The following GPC5 variants were observed in gnomAD, a reference collection of about 807,000 sequenced individuals.
The protein encoded by GPC5 is glypican 5.
GPC5 carries 47 observed loss-of-function variants against 53.9 expected under a neutral mutation model. The ratio of observed to expected loss-of-function variants is 0.87; its 90% CI spans 0.69 to 1.11. The LOEUF is 1.11. Ranked by LOEUF, GPC5 falls within the 50% of genes most tolerant of loss-of-function variation. The pLI is 0.00. For missense variants in GPC5, 748 were observed against 713.1 expected, an observed-to-expected ratio of 1.05 and a Z score of -0.56; for synonymous variants, 286 against 263.3, an observed-to-expected ratio of 1.09 and a Z score of -0.84.
chr13:92,661,773 T>C (rs1338603756), intron 7 of GPC5, among the ~76,000 whole-genome samples: 3 of 152,210 alleles, frequency 2.0e-5, no homozygotes, highest in East Asian at 1.9e-4. Context: ...GTCAAGTTGT[T>C]TTTCATGGAA....
intron 7 of GPC5, among the ~76,000 whole-genome samples, chr13:92,643,282 G>A (rs962989715): frequency 1.4e-4 from 22 of 152,078 alleles, no homozygotes; most frequent in Non-Finnish European, 2.8e-4. Context: ...TGGTGTTTTG[G>A]ACATGAAGTC....
chr13:91,699,245 C>G (rs2035946070), intron 3 of GPC5, among the ~76,000 whole-genome samples: 1 of 152,084 alleles, frequency 6.6e-6, no homozygotes. Flanking sequence ...GAAAAGTTGA[C>G]AAGATATTGT....
intron 5 of GPC5, among the ~76,000 whole-genome samples, chr13:91,890,143 G>A (rs187993452): frequency 3.3e-5 from 5 of 152,248 alleles, no homozygotes; most frequent in East Asian, 3.9e-4. Context: ...GCCATTCCAA[G>A]GTTGGACAGG....
At chr13:92,074,610 G>T (rs1483769260) in intron 6 of GPC5, among the ~76,000 whole-genome samples, 1 of 152,126 alleles carries the variant, frequency 6.6e-6, no homozygotes, top group Non-Finnish European at 1.5e-5. Context: ...TAATTCATTG[G>T]TTTATTTTAA....
chr13:92,684,995 G>C (rs1887218497), intron 7 of GPC5, among the ~76,000 whole-genome samples: 1 of 152,150 alleles, frequency 6.6e-6, no homozygotes, highest in South Asian at 2.1e-4. Context: ...ATATGATGTT[G>C]AGCATCTTTT....
chr13:92,513,352 G>C (rs955467454), intron 7 of GPC5, among the ~76,000 whole-genome samples: 7 of 152,162 alleles, frequency 4.6e-5, no homozygotes, highest in African/African-American at 1.4e-4. Context: ...TTATAATAAT[G>C]AACATTGAAA....
rs1191001845 is a variant in GPC5 at position 91,583,127 on chromosome 13, T to C, written c.326-110060T>C. Among the ~76,000 whole-genome samples, 4 of 152,174 alleles carry C rather than the reference T, an allele frequency of 2.6e-5. No homozygotes were observed. In the East Asian group the frequency reaches 7.7e-4, roughly 29 times the overall value. On this transcript the variant is annotated intron_variant, in intron 2 of 7. Coordinates refer to ENST00000377067, the MANE Select transcript of GPC5 (RefSeq NM_004466.6). ...GCAAACATTATACTTAATAATAAAA[T>C]GCTGACAGCCTTCTCTCTTAGAGTG... is the stretch of plus-strand genomic sequence containing the variant.
chr13:91,641,415 G>C (rs150772216), intron 2 of GPC5, among the ~76,000 whole-genome samples: 10 of 152,140 alleles, frequency 6.6e-5, no homozygotes, highest in African/African-American at 2.2e-4. Context: ...TAAACAACAA[G>C]AACACATGGA....
At chr13:91,702,644 T>G (rs2139862245) in intron 3 of GPC5, among the ~76,000 whole-genome samples, 1 of 152,172 alleles carries the variant, frequency 6.6e-6, no homozygotes, top group Non-Finnish European at 1.5e-5. Flanking sequence ...TCCATACAAA[T>G]TTTAGGATTT....
chr13:92,585,241 G>A (rs2139059031), intron 7 of GPC5, among the ~76,000 whole-genome samples: 1 of 152,266 alleles, frequency 6.6e-6, no homozygotes, highest in Middle Eastern at 3.4e-3. Context: ...ACCCAAGATG[G>A]AGGCTATACC....
chr13:91,949,997 G>T (rs773090811), intron 6 of GPC5, among the ~76,000 whole-genome samples: 1 of 152,104 alleles, frequency 6.6e-6, no homozygotes, highest in Non-Finnish European at 1.5e-5. Flanking sequence ...TGTTTAGACC[G>T]CATGCTGAGG....
chr13:91,917,507 C>G (rs2039671170), intron 6 of GPC5, among the ~76,000 whole-genome samples: 1 of 152,218 alleles, frequency 6.6e-6, no homozygotes, highest in Admixed American at 6.5e-5. Context: ...CAATGGCTGT[C>G]TTCTCACAGC....
chr13:92,204,116 G>A (rs927540816), intron 7 of GPC5, among the ~76,000 whole-genome samples: 2 of 152,154 alleles, frequency 1.3e-5, no homozygotes, highest in Non-Finnish European at 2.9e-5. Flanking sequence ...AAGAATGGGA[G>A]AATTTGTTTC....
At chr13:91,801,253 T>TTGTGTGTG (rs71113762) in intron 5 of GPC5, among the ~76,000 whole-genome samples, 8,611 of 146,248 alleles carry the variant, frequency 0.059, 336 homozygotes, top group East Asian at 0.16. Context: ...CATCCATACT[T>TTGTGTGTG]TGTGTGTGTG....
At chr13:91,481,147 GT>G (rs1311103506) in intron 2 of GPC5, among the ~76,000 whole-genome samples, 3 of 152,102 alleles carry the variant, frequency 2.0e-5, no homozygotes, top group Non-Finnish European at 4.4e-5. Context: ...GACTACATTT[GT>G]TTTTTCTGCA....
At chr13:92,757,963 C>T (rs904039714) in intron 7 of GPC5, among the ~76,000 whole-genome samples, 7 of 150,998 alleles carry the variant, frequency 4.6e-5, no homozygotes, top group African/African-American at 1.7e-4. Flanking sequence ...ACCATTTGAC[C>T]CAGCCATGCC....
intron 5 of GPC5, among the ~76,000 whole-genome samples, chr13:91,824,611 G>A (rs1262347044): frequency 1.3e-5 from 2 of 152,026 alleles, no homozygotes; most frequent in Admixed American, 1.3e-4. Flanking sequence ...TTTAAAAAAT[G>A]TGTGAAAGTA....
rs867080111 is a variant in GPC5 at position 91,436,633 on chromosome 13, C to T, written c.164-12128C>T. ...TATGTGGTCAATTTTGGAATAAGTG[C>T]GGTGTGGTGCTGAGAAGAATGTATA... On this transcript the variant is annotated intron_variant, in intron 1 of 7. Coordinates refer to ENST00000377067, the MANE Select transcript of GPC5 (RefSeq NM_004466.6). Among the ~76,000 whole-genome samples the T allele has an allele frequency of 7.5e-3, 1,145 of 151,952 alleles. 19 individuals are homozygous for T. In the South Asian group the frequency reaches 0.079, roughly 10 times the overall value.
At chr13:91,928,753 C>A (rs1738659973) in intron 6 of GPC5, among the ~76,000 whole-genome samples, 2 of 152,088 alleles carry the variant, frequency 1.3e-5, no homozygotes, top group Non-Finnish European at 2.9e-5. Context: ...TGTATTAAGA[C>A]AGAATTCATG....
Sources: allele counts gnomAD v4.1 joint callset (sites outside exome capture counted in the v4.1 genomes callset), GRCh38; gene constraint gnomAD v4.1.1; transcripts MANE v1.5; gene names NCBI Gene and HGNC (gene_info 2026-07-23, HGNC 2026-07-21).